USH2A: variants seen among roughly 807,000 people sequenced by gnomAD.
USH2A encodes the protein usherin, also known as Usher syndrome 2A (autosomal recessive, mild).
In USH2A, 443 loss-of-function variants were observed where a neutral mutation model predicts 538.9. That is an observed-to-expected ratio of 0.82 (90% confidence interval 0.76 to 0.89). The LOEUF is 0.89. Ranked by LOEUF, USH2A falls within the 40% of genes least tolerant of loss-of-function variation. The pLI, the probability that USH2A is intolerant of heterozygous loss-of-function variation, is 0.00. For synonymous variants in USH2A, 2,413 were observed against 2,273.5 expected, an observed-to-expected ratio of 1.06 and a Z score of -1.75; for missense variants, 6,633 against 6,324.8, an observed-to-expected ratio of 1.05 and a Z score of -1.65.
chr1:216,377,956 G>T (rs2038866987), intron 3 of USH2A, among the ~76,000 whole-genome samples: 1 of 151,946 alleles, frequency 6.6e-6, no homozygotes, highest in Admixed American at 6.6e-5. Flanking sequence ...GAGGAACAGG[G>T]GAGGGAGGGA....
intron 52 of USH2A, 78 bp downstream of exon 52, chr1:215,786,592 G>A (rs1661807420): frequency 6.8e-7 from 1 of 1,476,194 alleles, no homozygotes; most frequent in Non-Finnish European, 9.5e-7. Flanking sequence ...GTTGATGTCA[G>A]AGTGAAATAA....
Position 216,232,539 on chromosome 1 carries a change from A to G in USH2A, c.2810-403T>C, listed in dbSNP as rs139171538. Among the ~76,000 whole-genome samples, 702 of 152,344 alleles carry G rather than the reference A, an allele frequency of 4.6e-3. 6 individuals are homozygous for G. Among genetic ancestry groups the G allele is most frequent in the African/African-American group, 0.016 (671 of 41,582 alleles). ...CCAGTTACATTTGAATTTCTAACAA[A>G]TAATGAAATTTTTTAGCAAAGGTGC... On this transcript the variant is annotated intron_variant, in intron 13 of 71. Transcript: ENST00000307340.
Position 216,250,889 on chromosome 1 carries a change from T to C in USH2A, c.2167+14A>G, listed in dbSNP as rs748939612. On this transcript the variant is annotated intron_variant, in intron 12 of 71. Coordinates refer to ENST00000307340, the MANE Select transcript of USH2A (RefSeq NM_206933.4). ...TAATAGAGATGTGACTGTAAACTTT[T>C]GCGTTACACGTACCAATAACGTTTG... The C allele has an allele frequency of 6.2e-7, 1 of 1,613,528 alleles. No homozygotes were observed. The highest frequency in any genetic ancestry group is 2.2e-5 in the East Asian group (1 of 44,778).
chr1:215,924,374 G>T (rs1666180310), intron 38 of USH2A, among the ~76,000 whole-genome samples: 1 of 151,934 alleles, frequency 6.6e-6, no homozygotes, highest in African/African-American at 2.4e-5. Flanking sequence ...TTGGAAATAT[G>T]GTCTCTAAGT....
Position 216,070,145 on chromosome 1 carries a change from A to AT in USH2A, c.6004dup (p.Met2002AsnfsTer7), listed in dbSNP as rs1322635399. On this transcript the variant is annotated frameshift_variant, in exon 30 of 72. Coordinates refer to ENST00000307340, the MANE Select transcript of USH2A (RefSeq NM_206933.4). LOFTEE classifies it high-confidence loss of function. Reference sequence around the variant, plus strand: ...GACAAATTCAGCACTGGCAGAGGGCATGCGGGGTGGACGGGTGCTGTCCTC... The same window carrying AT: ...GACAAATTCAGCACTGGCAGAGGGCATTGCGGGGTGGACGGGTGCTGTCCTC... 1.2e-6 allele frequency: 2 copies of AT among 1,613,892 alleles called. No homozygotes were observed. The highest frequency in any genetic ancestry group is 1.7e-6 in the Non-Finnish European group (2 of 1,179,954).
chr1:215,979,179 A>C (rs190969708), intron 35 of USH2A, among the ~76,000 whole-genome samples: 4 of 152,254 alleles, frequency 2.6e-5, no homozygotes, highest in African/African-American at 4.8e-5. Context: ...AAACCATTAG[A>C]TCTCATGAGA....
chr1:216,411,230 A>G (rs2039484661), intron 3 of USH2A, among the ~76,000 whole-genome samples: 1 of 152,114 alleles, frequency 6.6e-6, no homozygotes, highest in South Asian at 2.1e-4. Context: ...ATTTCTTTTT[A>G]TACAAGGGCA....
chr1:215,935,815 A>G (rs777079095), intron 37 of USH2A, among the ~76,000 whole-genome samples: 14 of 152,008 alleles, frequency 9.2e-5, no homozygotes, highest in Non-Finnish European at 2.1e-4. Context: ...AAAAACAGAA[A>G]AATGAATGAT....
chr1:215,963,177 G>C (rs535495317), intron 37 of USH2A, among the ~76,000 whole-genome samples: 1 of 152,224 alleles, frequency 6.6e-6, no homozygotes, highest in African/African-American at 2.4e-5. Flanking sequence ...TATAAATCTA[G>C]TGAACAGATG....
intron 43 of USH2A, among the ~76,000 whole-genome samples, chr1:215,870,823 G>T (rs775958486): frequency 4.6e-5 from 7 of 152,012 alleles, no homozygotes; most frequent in Non-Finnish European, 8.8e-5. Context: ...CGTGTTGATT[G>T]TTGATATTAA....
Position 215,628,961 on chromosome 1 carries a change from CA to C in USH2A, c.15371del (p.Leu5124ArgfsTer11), listed in dbSNP as rs1656163649. On this transcript the variant is annotated frameshift_variant, in exon 71 of 72. Transcript: ENST00000307340. LOFTEE classifies it high-confidence loss of function. The part of the protein sequence containing the change: ...SIRSNRSACV[L>X]RIPSQNQTSL... ...TGGTTTGGTTTTGACTCGGGATGCG[CA>C]GGACACATGCACTCCGGTTGCTGCG... is the stretch of plus-strand genomic sequence containing the variant. 2 of 1,614,090 alleles carry C rather than the reference CA, an allele frequency of 1.2e-6. No individual in the cohort carries two copies. The highest frequency in any genetic ancestry group is 1.7e-5 in the Admixed American group (1 of 60,012).
intron 41 of USH2A, among the ~76,000 whole-genome samples, chr1:215,881,693 A>C (rs1664913356): frequency 6.6e-6 from 1 of 152,226 alleles, no homozygotes; most frequent in Non-Finnish European, 1.5e-5. Context: ...TCTTTAAAAC[A>C]ATAATATTAC....
chr1:216,201,292 C>T (rs1173415119), intron 16 of USH2A, among the ~76,000 whole-genome samples: 1 of 150,366 alleles, frequency 6.7e-6, no homozygotes, highest in African/African-American at 2.4e-5. Context: ...TAAACCTAGG[C>T]ATTCCCAGTC....
intron 30 of USH2A, 47 bp downstream of exon 30, chr1:216,070,054 C>G (rs1459392421): frequency 6.3e-7 from 1 of 1,599,268 alleles, no homozygotes; most frequent in Non-Finnish European, 8.6e-7. Flanking sequence ...AAAATGCAAA[C>G]AAAAAGGAAG....
At chr1:216,019,315 G>A (rs1668789369) in intron 32 of USH2A, among the ~76,000 whole-genome samples, 1 of 152,156 alleles carries the variant, frequency 6.6e-6, no homozygotes, top group African/African-American at 2.4e-5. Flanking sequence ...CAGTTTAGCT[G>A]GAGCACAGGA....
chr1:216,090,512 A>G (rs1229278014), intron 22 of USH2A, among the ~76,000 whole-genome samples: 1 of 151,642 alleles, frequency 6.6e-6, no homozygotes, highest in African/African-American at 2.4e-5. Flanking sequence ...CCCAACTTTT[A>G]CAGACAACTC....
intron 15 of USH2A, among the ~76,000 whole-genome samples, chr1:216,208,707 T>A (rs758897556): frequency 6.6e-6 from 1 of 152,162 alleles, no homozygotes; most frequent in Non-Finnish European, 1.5e-5. Flanking sequence ...TACTCATGGC[T>A]AAAATTTATT....
chr1:216,056,586 T>C (rs1311459842), intron 30 of USH2A, among the ~76,000 whole-genome samples: 1 of 152,174 alleles, frequency 6.6e-6, no homozygotes, highest in Non-Finnish European at 1.5e-5. Context: ...TTAAAAACAA[T>C]AATAGCACAC....
At chr1:216,084,652 G>C (rs1476042461) in intron 25 of USH2A, 46 bp downstream of exon 25, 1 of 1,595,572 alleles carries the variant, frequency 6.3e-7, no homozygotes, top group Non-Finnish European at 8.6e-7. Flanking sequence ...ACAAAGGATA[G>C]AACATAGATT....
Sources: allele counts gnomAD v4.1 joint callset (sites outside exome capture counted in the v4.1 genomes callset), GRCh38; gene constraint gnomAD v4.1.1; transcripts MANE v1.5; gene names NCBI Gene and HGNC (gene_info 2026-07-23, HGNC 2026-07-21).